Variants in GOLPH3L observed in about 807,000 individuals in gnomAD.
The protein encoded by GOLPH3L is Golgi phosphoprotein 3-like.
Under a neutral mutation model 30.3 loss-of-function variants are expected in GOLPH3L, and 22 were observed. That is an observed-to-expected ratio of 0.73 (90% CI 0.52 to 1.04). The LOEUF (loss-of-function observed/expected upper bound fraction) is 1.04, where lower values mean the gene tolerates loss of function less well. Among genes scored for constraint, GOLPH3L ranks in the 50% least tolerant of loss-of-function variants. GOLPH3L has a pLI of 0.00. For synonymous variants in GOLPH3L, 120 were observed against 128.2 expected, an observed-to-expected ratio of 0.94 and a Z score of 0.43; for missense variants, 303 against 345.8, an observed-to-expected ratio of 0.88 and a Z score of 0.98.
intron 2 of GOLPH3L, among the ~76,000 whole-genome samples, chr1:150,693,105 G>A (rs911408972): frequency 6.6e-6 from 1 of 152,006 alleles, no homozygotes; most frequent in Non-Finnish European, 1.5e-5. Flanking sequence ...ATATATTTCC[G>A]GGCAAGAATT....
intron 2 of GOLPH3L, among the ~76,000 whole-genome samples, chr1:150,675,698 T>C (rs1477624521): frequency 1.5e-5 from 2 of 136,914 alleles, no homozygotes; most frequent in Non-Finnish European, 3.0e-5. Flanking sequence ...ACTACTTGAA[T>C]CTGGGAGGTG....
chr1:150,694,643 C>T lies in GOLPH3L; in HGVS notation c.183+13G>A. ...TAGTCTTTGAGATAGCCTAGCAAAC[C>T]TAACTGCATTACCTCTTTATCTTTT... On this transcript the variant is annotated intron_variant, in intron 2 of 4. Coordinates refer to ENST00000271732, the MANE Select transcript of GOLPH3L (RefSeq NM_018178.6). 1 of 1,544,232 alleles carries T rather than the reference C, an allele frequency of 6.5e-7. No homozygotes were observed. Among genetic ancestry groups the T allele is most frequent in the Non-Finnish European group, 8.8e-7 (1 of 1,134,334 alleles).
Position 150,663,707 on chromosome 1 carries a change from C to G in GOLPH3L, c.240G>C (p.Leu80=). The G allele has an allele frequency of 6.2e-7, 1 of 1,613,616 alleles. No homozygotes were observed. The highest frequency in any genetic ancestry group is 8.5e-7 in the Non-Finnish European group (1 of 1,179,546). Residue 80 remains leucine (L), a synonymous_variant, in exon 3 of 5, where the codon CTG becomes CTC. Coordinates refer to ENST00000271732, the MANE Select transcript of GOLPH3L (RefSeq NM_018178.6). Reference sequence around the variant, plus strand: ...TTCGACCCCGCATGGCCAGCTCTATCAGGATGCCCCCTCGCAGGCCTGATG... The same window carrying G: ...TTCGACCCCGCATGGCCAGCTCTATGAGGATGCCCCCTCGCAGGCCTGATG... ...CISSGLRGGI[L]IELAMRGRIY... is the part of the protein sequence containing the mutation.
chr1:150,649,972 G>C (rs924422405), intron 4 of GOLPH3L, among the ~76,000 whole-genome samples: 8 of 152,028 alleles, frequency 5.3e-5, no homozygotes, highest in Non-Finnish European at 1.2e-4. Context: ...GAGTGACAGA[G>C]TGAGACTTCA....
rs780044155 is a variant in GOLPH3L, at chr1:150,694,668, T to C, written c.171A>G (p.Leu57=). ...TLMEEVLLLG[L]KDKEGYTSFW... ...CTAACTGCATTACCTCTTTATCTTT[T>C]AGTCCCAGAAGCAATACTTCTTCCA... is the stretch of plus-strand genomic sequence containing the variant. The change falls in exon 2 of 5, where the codon CTA becomes CTG. Residue 57 remains leucine, a synonymous_variant. Coordinates refer to ENST00000271732, the MANE Select transcript of GOLPH3L (RefSeq NM_018178.6). 7 of 1,598,106 alleles carry C rather than the reference T, an allele frequency of 4.4e-6. No homozygotes were observed. Among genetic ancestry groups the C allele is most frequent in the Admixed American group, 1.8e-5 (1 of 56,846 alleles).
chr1:150,674,933 C>T (rs1376540970), intron 2 of GOLPH3L, among the ~76,000 whole-genome samples: 1 of 151,890 alleles, frequency 6.6e-6, no homozygotes, highest in Non-Finnish European at 1.5e-5. Flanking sequence ...CTCTGTCATA[C>T]AGGCTAGAGT....
chr1:150,661,833 T>A lies in GOLPH3L; in HGVS notation c.411A>T (p.Thr137=). The A allele has an allele frequency of 1.3e-6, 2 of 1,507,372 alleles. No individual in the cohort carries two copies. Among genetic ancestry groups the A allele is most frequent in the Non-Finnish European group, 1.8e-6 (2 of 1,082,306 alleles). 93.4% of individuals were successfully genotyped at this position (1,507,372 alleles called of 1,614,324 possible). A position where few individuals can be genotyped will look rare whatever the true frequency, so the allele number is the denominator to read the frequency against. The change falls in exon 4 of 5, where the codon ACA becomes ACT. Residue 137 remains threonine, a synonymous_variant. Transcript: ENST00000271732. ...TCTTACCAGTGAGTAGCTCTATCCA[T>A]GTTTGGACAGTTTCTGTGGGTTCAG... ...KATEPTETVQ[T]WIELLTGETW...
chr1:150,683,773 A>G (rs1651021183), intron 2 of GOLPH3L, among the ~76,000 whole-genome samples: 1 of 149,542 alleles, frequency 6.7e-6, no homozygotes, highest in Non-Finnish European at 1.5e-5. Context: ...TGAGCTGGAG[A>G]AAAAAAATCA....
chr1:150,646,690 A>G lies in GOLPH3L; in HGVS notation c.*1631T>C, dbSNP rs941567317. The stretch of plus-strand genomic sequence containing the variant: ...TTTGGCAGAGGAGAGAAATGAATAA[A>G]TAATTCATTTAATTATTTCTAATCA... On this transcript the variant is annotated 3_prime_UTR_variant, in exon 5 of 5. Transcript: ENST00000271732. 2 of 152,228 alleles carry G rather than the reference A, an allele frequency of 1.3e-5. No homozygotes were observed. Among genetic ancestry groups the G allele is most frequent in the Admixed American group, 1.3e-4 (2 of 15,282 alleles). 9.4% of individuals were successfully genotyped at this position (152,228 alleles called of 1,614,324 possible). A position where few individuals can be genotyped will look rare whatever the true frequency, so the allele number is the denominator to read the frequency against.
chr1:150,675,754 C>T (rs763592718), intron 2 of GOLPH3L, among the ~76,000 whole-genome samples: 15 of 108,076 alleles, frequency 1.4e-4, no homozygotes, highest in African/African-American at 3.7e-4. Context: ...CCAGCCTGGG[C>T]GACAGAGTAA....
At chr1:150,683,924 C>T (rs1651024765) in intron 2 of GOLPH3L, among the ~76,000 whole-genome samples, 1 of 151,984 alleles carries the variant, frequency 6.6e-6, no homozygotes, top group South Asian at 2.1e-4. Context: ...ATTGTGTCCC[C>T]TCAAATTTCA....
At chr1:150,663,366 T>A (rs1051499678) in intron 3 of GOLPH3L, among the ~76,000 whole-genome samples, 1 of 152,098 alleles carries the variant, frequency 6.6e-6, no homozygotes, top group African/African-American at 2.4e-5. Flanking sequence ...GCTATAGATA[T>A]AGGAGGAATT....
intron 1 of GOLPH3L, among the ~76,000 whole-genome samples, chr1:150,696,425 G>A (rs1651356110): frequency 6.6e-6 from 1 of 151,960 alleles, no homozygotes; most frequent in Non-Finnish European, 1.5e-5. Flanking sequence ...CTTTCTCTTG[G>A]TATAGCTGTC....
chr1:150,651,642 C>CAAAAAAAAAAAAAAAAAAAAAGA (rs1650107197), intron 4 of GOLPH3L, among the ~76,000 whole-genome samples: 1 of 60,852 alleles, frequency 1.6e-5, no homozygotes, highest in Non-Finnish European at 3.0e-5. Context: ...GAGCGAAACT[C>CAAAAAAAAAAAAAAAAAAAAAGA]AAAAAAAAAA....
At chr1:150,662,561 T>G (rs908583642) in intron 3 of GOLPH3L, among the ~76,000 whole-genome samples, 2 of 152,088 alleles carry the variant, frequency 1.3e-5, no homozygotes, top group Non-Finnish European at 1.5e-5. Context: ...GCCTAGAAAT[T>G]TGAAAATTAA....
chr1:150,651,642 C>CAAAAAAAAAAAAAAAAAAAAAAACA (rs59940841), intron 4 of GOLPH3L, among the ~76,000 whole-genome samples: 2 of 60,852 alleles, frequency 3.3e-5, no homozygotes, highest in African/African-American at 7.2e-5. Flanking sequence ...GAGCGAAACT[C>CAAAAAAAAAAAAAAAAAAAAAAACA]AAAAAAAAAA....
At chr1:150,669,859 G>A (rs1190737304) in intron 2 of GOLPH3L, among the ~76,000 whole-genome samples, 1 of 151,492 alleles carries the variant, frequency 6.6e-6, no homozygotes, top group Non-Finnish European at 1.5e-5. Flanking sequence ...CTACTCAGGA[G>A]GCTGAGGCAG....
intron 2 of GOLPH3L, among the ~76,000 whole-genome samples, chr1:150,672,952 A>C (rs1277181497): frequency 6.6e-6 from 1 of 152,138 alleles, no homozygotes; most frequent in Non-Finnish European, 1.5e-5. Flanking sequence ...GAAAGATGCA[A>C]AGCTAGTTAC....
chr1:150,680,995 C>G (rs1328437640), intron 2 of GOLPH3L, among the ~76,000 whole-genome samples: 1 of 151,974 alleles, frequency 6.6e-6, no homozygotes, highest in African/African-American at 2.4e-5. Context: ...CAAAAACTAG[C>G]CAGGCATGGT....
Sources: gnomAD v4.1 joint callset for allele counts (sites outside exome capture counted in the v4.1 genomes callset) on GRCh38, gnomAD v4.1.1 for gene constraint, MANE v1.5 for transcripts, NCBI Gene and HGNC (gene_info 2026-07-23, HGNC 2026-07-21) for gene names.